Variants in NELL1 observed in about 807,000 individuals in gnomAD.
The protein encoded by NELL1 is protein kinase C-binding protein NELL1.
Under a neutral mutation model 107.4 loss-of-function variants are expected in NELL1, and 76 were observed. The observed-to-expected ratio is 0.71, with a 90% CI of 0.59 to 0.86. NELL1 has a LOEUF of 0.86. Among genes scored for constraint, NELL1 ranks in the 40% least tolerant of loss-of-function variants. NELL1 has a pLI of 0.00. For missense variants in NELL1, 1,024 were observed against 1,005.5 expected, an observed-to-expected ratio of 1.02 and a Z score of -0.25; for synonymous variants, 353 against 341.2, an observed-to-expected ratio of 1.03 and a Z score of -0.38.
chr11:20,711,234 G>T (rs910859689), intron 2 of NELL1, among the ~76,000 whole-genome samples: 9 of 151,892 alleles, frequency 5.9e-5, no homozygotes, highest in Non-Finnish European at 1.2e-4. Flanking sequence ...TCCCTATTAT[G>T]AGCTTTTTCC....
intron 14 of NELL1, among the ~76,000 whole-genome samples, chr11:21,269,007 T>C: frequency 6.6e-6 from 1 of 151,960 alleles, no homozygotes; most frequent in East Asian, 1.9e-4. Context: ...GTAGCAGACA[T>C]GAAAAATGCC....
chr11:20,702,605 CT>C (rs1854823885), intron 2 of NELL1, among the ~76,000 whole-genome samples: 1 of 152,068 alleles, frequency 6.6e-6, no homozygotes, highest in Non-Finnish European at 1.5e-5. Flanking sequence ...AAACGGAATG[CT>C]TCCAGTTTTT....
chr11:20,755,545 TTTTTGTTTTTGTTTTTG>T lies in NELL1; in HGVS notation c.185-28130_185-28114del, dbSNP rs1282620059. ...AAAGACCTGTGTGGGTTTTTGTTTTTTTTTGTTTTTGTTTTTGTTTTTTTTTTTTTGAGACAGAATCT... is the reference window on the plus strand; with the variant it reads ...AAAGACCTGTGTGGGTTTTTGTTTTTTTTTTTTTTTTTTGAGACAGAATCT... On this transcript the variant is annotated intron_variant, in intron 2 of 19. Transcript: ENST00000357134. Among the ~76,000 whole-genome samples the T allele has an allele frequency of 5.2e-3, 211 of 40,502 alleles. 5 individuals are homozygous for T. Among genetic ancestry groups the T allele is most frequent in the African/African-American group, 0.015 (195 of 12,802 alleles). 26.6% of individuals were successfully genotyped at this position (40,502 alleles called of 152,430 possible).
chr11:21,448,007 A>G (rs1853480831), intron 15 of NELL1, among the ~76,000 whole-genome samples: 1 of 152,262 alleles, frequency 6.6e-6, no homozygotes, highest in African/African-American at 2.4e-5. Flanking sequence ...GAATTCTCAC[A>G]ATCGCTTTTC....
intron 7 of NELL1, among the ~76,000 whole-genome samples, chr11:20,926,371 G>A (rs1850496800): frequency 6.6e-6 from 1 of 152,132 alleles, no homozygotes; most frequent in Non-Finnish European, 1.5e-5. Flanking sequence ...GTGTGGTCAA[G>A]ACGACAGGAT....
chr11:21,005,332 G>A (rs1241723158), intron 12 of NELL1, among the ~76,000 whole-genome samples: 1 of 152,164 alleles, frequency 6.6e-6, no homozygotes, highest in East Asian at 1.9e-4. Flanking sequence ...TAACATCACA[G>A]ATTTCACTCT....
chr11:21,196,739 T>C (rs574300805), intron 13 of NELL1, among the ~76,000 whole-genome samples: 2 of 152,156 alleles, frequency 1.3e-5, no homozygotes, highest in Non-Finnish European at 2.9e-5. Flanking sequence ...GTGAGCTGTA[T>C]TACAGCAGGA....
At chr11:21,518,356 C>T (rs76399192) in intron 15 of NELL1, among the ~76,000 whole-genome samples, 18,729 of 152,060 alleles carry the variant, frequency 0.12, 1,288 homozygotes, top group Admixed American at 0.2. Flanking sequence ...TTAAATTCTT[C>T]AGTTCTCATT....
At position 21,151,404 on chromosome 11, in the gene NELL1, T is replaced by A. The variant is rs1791826; in HGVS notation, c.1426+37690T>A. Among the ~76,000 whole-genome samples the A allele has an allele frequency of 6.1e-3, 925 of 152,202 alleles. 8 individuals carry two copies. Among genetic ancestry groups the A allele is most frequent in the African/African-American group, 0.021 (858 of 41,548 alleles). On this transcript the variant is annotated intron_variant, in intron 13 of 19. Coordinates refer to ENST00000357134, the MANE Select transcript of NELL1 (RefSeq NM_006157.5). ...CGCAACTTACAAATAGGTGTGTGCA[T>A]GTATGTATGGAGTGTGTGTGGTATG...
At chr11:21,326,496 G>T (rs1320112190) in intron 14 of NELL1, among the ~76,000 whole-genome samples, 2 of 151,876 alleles carry the variant, frequency 1.3e-5, no homozygotes, top group East Asian at 3.9e-4. Context: ...TCAAATACAT[G>T]ATTTAAAAAA....
chr11:21,152,337 C>T (rs1300030303), intron 13 of NELL1, among the ~76,000 whole-genome samples: 3 of 152,126 alleles, frequency 2.0e-5, no homozygotes, highest in Admixed American at 6.5e-5. Context: ...AGTATTTTGA[C>T]AGGTGATATG....
chr11:21,242,717 C>G (rs769765733), intron 14 of NELL1, among the ~76,000 whole-genome samples: 1 of 152,122 alleles, frequency 6.6e-6, no homozygotes, highest in Non-Finnish European at 1.5e-5. Context: ...CTCATCCCTT[C>G]CAACCGTGTC....
intron 13 of NELL1, among the ~76,000 whole-genome samples, chr11:21,211,615 A>G (rs1857499154): frequency 6.6e-6 from 1 of 152,154 alleles, no homozygotes; most frequent in South Asian, 2.1e-4. Flanking sequence ...TGCATTGGGA[A>G]GCTATAGCAA....
chr11:21,022,341 C>G (rs1852720583), intron 12 of NELL1, among the ~76,000 whole-genome samples: 1 of 152,082 alleles, frequency 6.6e-6, no homozygotes, highest in African/African-American at 2.4e-5. Flanking sequence ...TCAAACTCTA[C>G]TGATTCTAAT....
intron 15 of NELL1, among the ~76,000 whole-genome samples, chr11:21,410,030 C>T (rs1176413343): frequency 1.3e-5 from 2 of 151,980 alleles, no homozygotes; most frequent in Non-Finnish European, 2.9e-5. Context: ...ACAATAATCA[C>T]ACATTTCAGA....
intron 3 of NELL1, among the ~76,000 whole-genome samples, chr11:20,797,167 A>T (rs754917069): frequency 6.6e-6 from 1 of 152,190 alleles, no homozygotes; most frequent in Admixed American, 6.5e-5. Context: ...TGGAAAGGAT[A>T]TAAGCACAGG....
chr11:21,459,251 C>T (rs1029970130), intron 15 of NELL1, among the ~76,000 whole-genome samples: 2 of 149,966 alleles, frequency 1.3e-5, no homozygotes, highest in Admixed American at 1.3e-4. Flanking sequence ...ACTTGTAGGT[C>T]CACCAGTTCA....
At chr11:20,955,686 A>G (rs1165389670) in intron 11 of NELL1, among the ~76,000 whole-genome samples, 1 of 152,158 alleles carries the variant, frequency 6.6e-6, no homozygotes, top group African/African-American at 2.4e-5. Flanking sequence ...CAACATATTA[A>G]AAGGTATATA....
chr11:21,162,812 T>C (rs1856401858), intron 13 of NELL1, among the ~76,000 whole-genome samples: 1 of 152,176 alleles, frequency 6.6e-6, no homozygotes, highest in Admixed American at 6.5e-5. Context: ...AGTTTATGAA[T>C]TTGTTCGGTA....
Sources: gnomAD v4.1 joint callset for allele counts (sites outside exome capture counted in the v4.1 genomes callset) on GRCh38, gnomAD v4.1.1 for gene constraint, MANE v1.5 for transcripts, NCBI Gene and HGNC (gene_info 2026-07-23, HGNC 2026-07-21) for gene names.